The following CARMIL1 variants were observed in gnomAD, a reference collection of about 807,000 sequenced individuals.
CARMIL1 encodes F-actin-uncapping protein LRRC16A.
A neutral mutation model predicts 177.1 loss-of-function variants in CARMIL1; 90 were observed. The ratio of observed to expected loss-of-function variants is 0.51; its 90% CI spans 0.43 to 0.61. The LOEUF is 0.61. Among genes scored for constraint, CARMIL1 ranks in the 20% least tolerant of loss-of-function variants. The pLI is 0.00. For synonymous variants in CARMIL1, 577 were observed against 606.2 expected (o/e 0.95, Z 0.71); for missense variants, 1,380 against 1,667.0 (o/e 0.83, Z 3.00).
chr6:25,464,676 G>C (rs1800434525), intron 8 of CARMIL1, among the ~76,000 whole-genome samples: 1 of 152,164 alleles, frequency 6.6e-6, no homozygotes, highest in African/African-American at 2.4e-5. Flanking sequence ...TGAATAATTG[G>C]GGGTGGTAGG....
chr6:25,490,698 A>AAAATAAAT (rs199709831), intron 13 of CARMIL1, among the ~76,000 whole-genome samples: 79 of 124,980 alleles, frequency 6.3e-4, no homozygotes, highest in Admixed American at 5.0e-3. Context: ...ACCCTGTCTT[A>AAAATAAAT]AAATAAATAA....
At chr6:25,562,707 C>T (rs1157105175) in intron 29 of CARMIL1, among the ~76,000 whole-genome samples, 2 of 152,166 alleles carry the variant, frequency 1.3e-5, no homozygotes, top group East Asian at 1.9e-4. Context: ...GGCTTCACCT[C>T]CCAGAGCCCT....
chr6:25,368,175 C>T (rs1227957385), intron 2 of CARMIL1, among the ~76,000 whole-genome samples: 1 of 152,232 alleles, frequency 6.6e-6, no homozygotes, highest in East Asian at 1.9e-4. Context: ...CTGATCCTTA[C>T]TGGAGTTGAC....
intron 12 of CARMIL1, 125 bp downstream of exon 12, chr6:25,482,468 A>AT: frequency 1.4e-5 from 7 of 510,552 alleles, no homozygotes. Flanking sequence ...TATATGTATT[A>AT]TATTACTCTG....
intron 5 of CARMIL1, among the ~76,000 whole-genome samples, chr6:25,444,930 A>G (rs1798084887): frequency 6.6e-6 from 1 of 152,182 alleles, no homozygotes; most frequent in African/African-American, 2.4e-5. Context: ...CTAGTTCTAG[A>G]TCCTTGAGGA....
chr6:25,580,746 T>C (rs949001717), intron 29 of CARMIL1, among the ~76,000 whole-genome samples, 178 bp from the exon 30 acceptor site: 7 of 152,334 alleles, frequency 4.6e-5, no homozygotes, highest in East Asian at 1.9e-4. Context: ...GCTGTATCAT[T>C]TGAGAAATTG....
chr6:25,406,125 C>T (rs1328698027), intron 2 of CARMIL1, among the ~76,000 whole-genome samples: 1 of 152,130 alleles, frequency 6.6e-6, no homozygotes, highest in Non-Finnish European at 1.5e-5. Flanking sequence ...ATATGTAATC[C>T]CACTGTTAAT....
intron 2 of CARMIL1, among the ~76,000 whole-genome samples, chr6:25,366,973 C>G (rs1789885542): frequency 6.6e-6 from 1 of 152,126 alleles, no homozygotes; most frequent in African/African-American, 2.4e-5. Context: ...ATACTTCTGC[C>G]AAATTGAAGC....
chr6:25,313,693 A>ATGTATATATGTGTATATATGT (rs1784033235), intron 2 of CARMIL1, among the ~76,000 whole-genome samples: 1 of 148,238 alleles, frequency 6.7e-6, no homozygotes, highest in African/African-American at 2.6e-5. Flanking sequence ...GTATATATAC[A>ATGTATATATGTGTATATATGT]GTTATTTGGG....
Position 25,577,673 on chromosome 6 carries a change from C to T in CARMIL1, c.2743-3251C>T, listed in dbSNP as rs879521744. On this transcript the variant is annotated intron_variant, in intron 29 of 36. Coordinates refer to ENST00000329474, the MANE Select transcript of CARMIL1 (RefSeq NM_017640.6). This position sits in a 1 kb window ranked among gnomAD's most constrained non-coding sequence, Gnocchi z 4.5. ...TGGGTTTGACAGGAAAAAAATGTTA[C>T]GTTGTTTGGAAGGTTCCAAGATTAG... Among the ~76,000 whole-genome samples, 2 of 151,920 alleles carry T rather than the reference C, an allele frequency of 1.3e-5. No individual in the cohort carries two copies. The highest frequency in any genetic ancestry group is 2.4e-5 in the African/African-American group (1 of 41,354).
chr6:25,499,518 A>G (rs1804097447), intron 16 of CARMIL1, among the ~76,000 whole-genome samples: 1 of 152,174 alleles, frequency 6.6e-6, no homozygotes, highest in Non-Finnish European at 1.5e-5. Context: ...GATTAGTCTA[A>G]TCTCCTCAAT....
At chr6:25,505,714 A>C (rs544205142) in intron 17 of CARMIL1, among the ~76,000 whole-genome samples, 9 of 152,258 alleles carry the variant, frequency 5.9e-5, no homozygotes, top group South Asian at 2.1e-4. Flanking sequence ...CGGCCTCTCA[A>C]AGTGCTGGGA....
rs372812064 is a variant in CARMIL1 at position 25,474,317 on chromosome 6, G to A, written c.874+1796G>A. Among the ~76,000 whole-genome samples the A allele has an allele frequency of 1.3e-4, 19 of 151,286 alleles. 1 individual carries two copies. Among genetic ancestry groups the A allele is most frequent in the Admixed American group, 5.9e-4 (9 of 15,166 alleles). ...TTTTTAGTAGAGATGGGGTTTCACC[G>A]TGTTAGCCAGGTTGGTCTCGAACTC... On this transcript the variant is annotated intron_variant, in intron 11 of 36. Coordinates refer to ENST00000329474, the MANE Select transcript of CARMIL1 (RefSeq NM_017640.6).
chr6:25,449,104 C>T (rs896201323), intron 5 of CARMIL1, among the ~76,000 whole-genome samples: 3 of 152,110 alleles, frequency 2.0e-5, no homozygotes, highest in Non-Finnish European at 2.9e-5. Flanking sequence ...ATTGCCCAGG[C>T]TGGCCTTGAA....
chr6:25,391,074 T>C (rs1792771843), intron 2 of CARMIL1, among the ~76,000 whole-genome samples: 1 of 152,262 alleles, frequency 6.6e-6, no homozygotes, highest in Non-Finnish European at 1.5e-5. Flanking sequence ...GTGATTTGAT[T>C]TGAAAGCTAA....
intron 2 of CARMIL1, among the ~76,000 whole-genome samples, chr6:25,382,769 C>A (rs141488627): frequency 9.2e-5 from 14 of 152,272 alleles, no homozygotes; most frequent in African/African-American, 2.2e-4. Flanking sequence ...TTTAGCTAGA[C>A]ACAGGGCGCT....
chr6:25,600,577 C>T lies in CARMIL1; in HGVS notation c.3383C>T (p.Thr1128Ile), dbSNP rs375382179. The change falls in exon 33 of 37, where the codon ACA becomes ATA. Residue 1128 changes from threonine to isoleucine, a missense_variant. By Grantham distance (89) the Thr-to-Ile change is moderately conservative. Coordinates refer to ENST00000329474, the MANE Select transcript of CARMIL1 (RefSeq NM_017640.6). ...TCTGAACGGATAGAGGAGATAAAAACACCTGACTCCTTTGAAGAGAGTCAA... is the reference window on the plus strand; with the variant it reads ...TCTGAACGGATAGAGGAGATAAAAATACCTGACTCCTTTGAAGAGAGTCAA... The part of the protein sequence containing the change: ...GNSERIEEIK[T>I]PDSFEESQGE... The T allele has an allele frequency of 1.7e-5, 27 of 1,613,978 alleles. No individual in the cohort carries two copies. The African/African-American group carries it at 2.0e-4, about 12-fold the overall frequency.
intron 1 of CARMIL1, among the ~76,000 whole-genome samples, chr6:25,283,346 G>A (rs1781285148): frequency 6.6e-6 from 1 of 152,154 alleles, no homozygotes; most frequent in African/African-American, 2.4e-5. Context: ...TAGAGGCCAT[G>A]GACTTAGTCT....
intron 36 of CARMIL1, among the ~76,000 whole-genome samples, chr6:25,611,580 T>C (rs1816509066): frequency 6.6e-6 from 1 of 152,158 alleles, no homozygotes; most frequent in South Asian, 2.1e-4. Context: ...CTGAAAGAGT[T>C]CAGTTGGAGA....
Sources: gnomAD v4.1 joint callset for allele counts (sites outside exome capture counted in the v4.1 genomes callset) on GRCh38, gnomAD v4.1.1 for gene constraint, Gnocchi (gnomAD v3.1) non-coding constraint, MANE v1.5 for transcripts, NCBI Gene and HGNC (gene_info 2026-07-23, HGNC 2026-07-21) for gene names.